ALK: variants seen among roughly 807,000 people sequenced by gnomAD.
ALK encodes ALK receptor tyrosine kinase.
Under a neutral mutation model 163.1 loss-of-function variants are expected in ALK, and 74 were observed. The observed-to-expected ratio is 0.45, with a 90% CI of 0.38 to 0.55. ALK has a LOEUF of 0.55. Ranked by LOEUF, ALK falls within the 20% of genes least tolerant of loss-of-function variation. The pLI, the probability that ALK is intolerant of heterozygous loss-of-function variation, is 0.00. For synonymous variants in ALK, 960 were observed against 843.2 expected, an observed-to-expected ratio of 1.14 and a Z score of -2.40; for missense variants, 2,063 against 2,105.3, an observed-to-expected ratio of 0.98 and a Z score of 0.39.
At chr2:29,856,097 G>A (rs994173828) in intron 1 of ALK, among the ~76,000 whole-genome samples, 3 of 152,116 alleles carry the variant, frequency 2.0e-5, no homozygotes, top group African/African-American at 7.2e-5. Flanking sequence ...TTAATGTATT[G>A]AGGTTCTCTG....
chr2:29,850,740 A>G (rs551617953), intron 1 of ALK, among the ~76,000 whole-genome samples: 6 of 152,288 alleles, frequency 3.9e-5, no homozygotes, highest in African/African-American at 1.4e-4. Context: ...TGTATTTTGT[A>G]GTACTTCCCA....
At chr2:29,197,437 C>T (rs2148142866) in intron 27 of ALK, 105 bp downstream of exon 27, 1 of 1,540,210 alleles carries the variant, frequency 6.5e-7, no homozygotes, top group Admixed American at 1.8e-5. Flanking sequence ...AAAGGGAGGG[C>T]AGCCATCTGC....
In ALK at chr2:29,297,050, A is replaced by G; in HGVS notation, c.1655T>C (p.Met552Thr). ...CAAGACTCCACGAATGAGCCAGGAC[A>G]TTCGGAGCTGTGAGGGCGAGAAGAG... ...PIKSSPCELR[M>T]SWLIRGVLRG... The change falls in exon 9 of 29, where the codon ATG becomes ACG. Residue 552 changes from methionine to threonine, a missense_variant. By Grantham distance (81) the Met-to-Thr change is moderately conservative. Around this residue, in one of 5 missense-constraint regions of ALK, gnomAD observed 987 missense variants for 939.5 expected, o/e 1.05. Coordinates refer to ENST00000389048, the MANE Select transcript of ALK (RefSeq NM_004304.5). 1 of 1,614,188 alleles carries G rather than the reference A, an allele frequency of 6.2e-7. No individual in the cohort carries two copies. The highest frequency in any genetic ancestry group is 8.5e-7 in the Non-Finnish European group (1 of 1,180,018).
intron 1 of ALK, among the ~76,000 whole-genome samples, chr2:29,778,831 G>A (rs975303393): frequency 6.6e-6 from 1 of 152,060 alleles, no homozygotes; most frequent in African/African-American, 2.4e-5. Flanking sequence ...GTCCTGCCAC[G>A]GGTTTTCCTG....
rs115642068 is a variant in ALK, at chr2:29,325,863, C to G, written c.1414+2487G>C. The stretch of plus-strand genomic sequence containing the variant: ...CCTGCCTCATAGAGTAAAGGCTCAA[C>G]AGGTAAGCTGGTGTTGTTGCTGTTG... On this transcript the variant is annotated intron_variant, in intron 6 of 28. Coordinates refer to ENST00000389048, the MANE Select transcript of ALK (RefSeq NM_004304.5). Among the ~76,000 whole-genome samples, 904 of 152,314 alleles carry G rather than the reference C, an allele frequency of 5.9e-3. 11 individuals carry two copies. Among genetic ancestry groups the G allele is most frequent in the African/African-American group, 0.02 (836 of 41,572 alleles).
At chr2:29,886,126 C>CT (rs1666979005) in intron 1 of ALK, among the ~76,000 whole-genome samples, 1 of 152,250 alleles carries the variant, frequency 6.6e-6, no homozygotes, top group South Asian at 2.1e-4. Context: ...CGTATTTTCT[C>CT]TTTTTTATAG....
At chr2:29,637,234 T>C (rs2339545) in intron 3 of ALK, among the ~76,000 whole-genome samples, 118,645 of 152,178 alleles carry the variant, frequency 0.78, 46,597 homozygotes, top group African/African-American at 0.88. Context: ...CTCCATACCA[T>C]GGAATATCAC....
At chr2:29,637,477 G>A (rs1676569128) in intron 3 of ALK, among the ~76,000 whole-genome samples, 1 of 152,156 alleles carries the variant, frequency 6.6e-6, no homozygotes, top group South Asian at 2.1e-4. Flanking sequence ...AAAAGCAACA[G>A]GCGGGTGGAT....
chr2:29,407,069 C>T (rs978632359), intron 4 of ALK, among the ~76,000 whole-genome samples: 6 of 152,120 alleles, frequency 3.9e-5, no homozygotes, highest in South Asian at 2.1e-4. Flanking sequence ...GCATGAAGTC[C>T]GCGTGCTGCA....
At chr2:29,236,586 G>C (rs77498262) in intron 13 of ALK, among the ~76,000 whole-genome samples, 11,540 of 152,242 alleles carry the variant, frequency 0.076, 560 homozygotes, top group Non-Finnish European at 0.11. Context: ...TAGATCAGGT[G>C]GGGGTGGGGA....
At chr2:29,818,152 T>C (rs999181418) in intron 1 of ALK, among the ~76,000 whole-genome samples, 3 of 152,210 alleles carry the variant, frequency 2.0e-5, no homozygotes, top group Non-Finnish European at 4.4e-5. Flanking sequence ...CTTCCATTTT[T>C]CCCAGAGTTG....
intron 3 of ALK, among the ~76,000 whole-genome samples, chr2:29,690,495 A>T (rs1299941238): frequency 1.3e-5 from 2 of 152,146 alleles, no homozygotes; most frequent in African/African-American, 4.8e-5. Flanking sequence ...TACAGAGTAA[A>T]ATCTTGCCTT....
At chr2:29,375,552 C>T (rs749316831) in intron 5 of ALK, among the ~76,000 whole-genome samples, 14 of 152,040 alleles carry the variant, frequency 9.2e-5, no homozygotes, top group Non-Finnish European at 1.3e-4. Flanking sequence ...CTCCTGACCT[C>T]GTGATCTGCC....
At chr2:29,732,468 C>G (rs960194943) in intron 1 of ALK, among the ~76,000 whole-genome samples, 13 of 152,304 alleles carry the variant, frequency 8.5e-5, no homozygotes, top group Middle Eastern at 6.8e-3. Flanking sequence ...GTGAGGTTTT[C>G]CTGCCTGAGG....
At chr2:29,413,210 G>A (rs1297207988) in intron 4 of ALK, among the ~76,000 whole-genome samples, 1 of 152,220 alleles carries the variant, frequency 6.6e-6, no homozygotes, top group Non-Finnish European at 1.5e-5. Flanking sequence ...ACCATCAAGA[G>A]ACATGGTAAA....
intron 11 of ALK, among the ~76,000 whole-genome samples, chr2:29,273,232 C>T (rs1321033175): frequency 6.6e-6 from 1 of 152,258 alleles, no homozygotes; most frequent in Non-Finnish European, 1.5e-5. Context: ...ATGCACCGTG[C>T]TGGGCACGTG....
chr2:29,773,330 T>TGAGGAATG (rs1681079738), intron 1 of ALK, among the ~76,000 whole-genome samples: 2 of 152,264 alleles, frequency 1.3e-5, no homozygotes, highest in East Asian at 1.9e-4. Context: ...TGCTCAGGAA[T>TGAGGAATG]GAGGAATGAG....
intron 4 of ALK, among the ~76,000 whole-genome samples, chr2:29,409,277 AGC>A (rs1669669911): frequency 6.6e-6 from 1 of 152,198 alleles, no homozygotes; most frequent in African/African-American, 2.4e-5. Flanking sequence ...GTATTTACCC[AGC>A]GAGAAGAGAG....
intron 3 of ALK, among the ~76,000 whole-genome samples, chr2:29,663,633 T>C (rs935253183): frequency 1.1e-4 from 17 of 152,182 alleles, no homozygotes; most frequent in African/African-American, 4.1e-4. Context: ...CATATTTGAA[T>C]ATCTTCTCAT....
Sources: gnomAD v4.1 joint callset for allele counts (sites outside exome capture counted in the v4.1 genomes callset) on GRCh38, gnomAD v4.1.1 for gene constraint, gnomAD v4.1.1 regional missense constraint, MANE v1.5 for transcripts, NCBI Gene and HGNC (gene_info 2026-07-23, HGNC 2026-07-21) for gene names.